The following PAPPA2 variants were observed in gnomAD, a reference collection of about 807,000 sequenced individuals.
The protein encoded by PAPPA2 is pappalysin-2.
PAPPA2 carries 86 observed loss-of-function variants against 176.4 expected under a neutral mutation model. The ratio of observed to expected loss-of-function variants is 0.49; its 90% confidence interval spans 0.41 to 0.58. PAPPA2 has a LOEUF of 0.58. PAPPA2 is among the 20% of genes least tolerant of loss of function. The probability of loss-of-function intolerance (pLI) is 0.00; values close to 1 mark genes in which losing one functional copy is unlikely to be tolerated. For missense variants in PAPPA2, 2,073 were observed against 2,256.9 expected (o/e 0.92, Z 1.65); for synonymous variants, 809 against 852.2 (o/e 0.95, Z 0.88).
intron 3 of PAPPA2, among the ~76,000 whole-genome samples, chr1:176,655,613 T>C (rs1386450181): frequency 6.6e-6 from 1 of 151,868 alleles, no homozygotes; most frequent in Non-Finnish European, 1.5e-5. Context: ...TTCTCACTTA[T>C]AAGTCAGATA....
rs771982523 is a variant in PAPPA2 at position 176,690,131 on chromosome 1, T to C, written c.2138-6T>C. ...TCTGAAAGGCTTTTCAAAACTTTCA[T>C]TGCAGGTGGCATTGTCCTCAGCCCA... On this transcript the variant is annotated splice_region_variant and splice_polypyrimidine_tract_variant and intron_variant, in intron 4 of 22. Transcript: ENST00000367662. 9 of 1,590,548 alleles carry C rather than the reference T, an allele frequency of 5.7e-6. No individual in the cohort carries two copies. The highest frequency in any genetic ancestry group is 7.7e-6 in the Non-Finnish European group (9 of 1,162,838).
chr1:176,471,998 G>T (rs771612498), intron 1 of PAPPA2, among the ~76,000 whole-genome samples: 1 of 152,128 alleles, frequency 6.6e-6, no homozygotes, highest in Non-Finnish European at 1.5e-5. Context: ...GTAACGTCTG[G>T]TTGTCTCTCT....
intron 1 of PAPPA2, among the ~76,000 whole-genome samples, chr1:176,507,092 G>T (rs1648315936): frequency 6.6e-6 from 1 of 151,572 alleles, no homozygotes; most frequent in Non-Finnish European, 1.5e-5. Flanking sequence ...AAATCAACAA[G>T]CAAAAATAAA....
chr1:176,837,910 G>A (rs1025479668), intron 21 of PAPPA2, among the ~76,000 whole-genome samples: 10 of 152,200 alleles, frequency 6.6e-5, no homozygotes, highest in African/African-American at 2.4e-4. Flanking sequence ...GTTGCCATAG[G>A]AGACTCTGTT....
intron 2 of PAPPA2, among the ~76,000 whole-genome samples, chr1:176,562,990 T>C (rs1651759350): frequency 6.6e-6 from 1 of 152,200 alleles, no homozygotes; most frequent in African/African-American, 2.4e-5. Flanking sequence ...TTTCCTAGGG[T>C]GCATATTGCT....
rs1490925419 is a variant in PAPPA2 at position 176,765,739 on chromosome 1, T to C, written c.4225T>C (p.Cys1409Arg). Residue 1409 changes from cysteine to arginine, a missense_variant, in exon 15 of 23, where the codon TGT becomes CGT. Physicochemically the swap from Cys to Arg is radical, Grantham distance 180. Coordinates refer to ENST00000367662, the MANE Select transcript of PAPPA2 (RefSeq NM_020318.3). Reference protein sequence around the residue: ...LLLDHADVVNCTSIGPGLMKC... With the variant: ...LLLDHADVVNRTSIGPGLMKC... Reference sequence around the variant, plus strand: ...GCTTGATCATGCTGATGTGGTGAACTGTACCTCTATAGGCCCAGGTCTCAT... The same window carrying C: ...GCTTGATCATGCTGATGTGGTGAACCGTACCTCTATAGGCCCAGGTCTCAT... 10 of 1,614,008 alleles carry C rather than the reference T, an allele frequency of 6.2e-6. No individual in the cohort carries two copies. The highest frequency in any genetic ancestry group is 2.2e-5 in the East Asian group (1 of 44,848).
chr1:176,757,283 C>T (rs1180487651), intron 14 of PAPPA2, among the ~76,000 whole-genome samples: 3 of 152,238 alleles, frequency 2.0e-5, no homozygotes, highest in Non-Finnish European at 1.5e-5. Flanking sequence ...AATCATCACA[C>T]TGTCTTCCAC....
In PAPPA2 at chr1:176,557,050, G is replaced by T. The variant is rs773677088; in HGVS notation, c.728G>T (p.Gly243Val). The T allele has an allele frequency of 6.2e-7, 1 of 1,613,674 alleles. No homozygotes were observed. Among genetic ancestry groups the T allele is most frequent in the Non-Finnish European group, 8.5e-7 (1 of 1,179,854 alleles). Residue 243 changes from glycine (G) to valine (V), a missense_variant, in exon 2 of 23, where the codon GGT becomes GTT. This residue lies in a region of PAPPA2 where 1,196 missense variants were observed against 1,330.4 expected (regional missense o/e 0.90). Coordinates refer to ENST00000367662, the MANE Select transcript of PAPPA2 (RefSeq NM_020318.3). ...KSPPEESNQN[G>V]GEGSYREAET... ...CCACCGGAGGAAAGCAACCAAAATGGTGGAGAGGGCTCCTACCGAGAAGCA... is the reference window on the plus strand; with the variant it reads ...CCACCGGAGGAAAGCAACCAAAATGTTGGAGAGGGCTCCTACCGAGAAGCA...
intron 3 of PAPPA2, among the ~76,000 whole-genome samples, chr1:176,603,214 G>T (rs1452260597): frequency 6.6e-6 from 1 of 152,200 alleles, no homozygotes; most frequent in African/African-American, 2.4e-5. Flanking sequence ...CTGGGGCCTT[G>T]GCCAAATGCC....
chr1:176,470,331 T>C (rs1193189636), intron 1 of PAPPA2, among the ~76,000 whole-genome samples: 1 of 152,182 alleles, frequency 6.6e-6, no homozygotes, highest in East Asian at 1.9e-4. Flanking sequence ...AGAGGCCACA[T>C]TGACAAAAAG....
At chr1:176,617,647 C>CATATATATATATATATAT (rs150600721) in intron 3 of PAPPA2, among the ~76,000 whole-genome samples, 16 of 147,826 alleles carry the variant, frequency 1.1e-4, no homozygotes, top group African/African-American at 4.0e-4. Flanking sequence ...TTCCATGGCG[C>CATATATATATATATATAT]ATATATATAT....
intron 12 of PAPPA2, among the ~76,000 whole-genome samples, chr1:176,728,031 A>T (rs1321397947): frequency 1.3e-5 from 2 of 152,016 alleles, no homozygotes; most frequent in Non-Finnish European, 1.5e-5. Context: ...AGCATTTAAA[A>T]TGCCTATATT....
chr1:176,486,432 TAGACAGGTAC>T (rs1403708284), intron 1 of PAPPA2, among the ~76,000 whole-genome samples: 1 of 152,166 alleles, frequency 6.6e-6, no homozygotes, highest in Admixed American at 6.5e-5. Context: ...TAAGGATGCT[TAGACAGGTAC>T]AGACATCTCT....
chr1:176,626,729 G>A (rs1656043121), intron 3 of PAPPA2, among the ~76,000 whole-genome samples: 2 of 152,272 alleles, frequency 1.3e-5, no homozygotes, highest in South Asian at 4.1e-4. Flanking sequence ...AGTGTAATTA[G>A]CATGAGGATT....
intron 2 of PAPPA2, among the ~76,000 whole-genome samples, chr1:176,574,832 T>G (rs1249933428): frequency 6.6e-6 from 1 of 152,206 alleles, no homozygotes; most frequent in Admixed American, 6.5e-5. Context: ...TTTTCTATGT[T>G]TAGGTATGTT....
intron 2 of PAPPA2, 57 bp from the exon 3 acceptor site, chr1:176,594,467 C>A (rs945295826): frequency 1.1e-5 from 16 of 1,421,688 alleles, no homozygotes; most frequent in Non-Finnish European, 1.4e-5. Flanking sequence ...CTCCCTTTCT[C>A]CATTCCCCTT....
At chr1:176,532,450 C>T (rs915770645) in intron 1 of PAPPA2, among the ~76,000 whole-genome samples, 4 of 152,192 alleles carry the variant, frequency 2.6e-5, no homozygotes, top group African/African-American at 7.2e-5. Flanking sequence ...GAGGAAACAA[C>T]CAAAGCAGAT....
intron 2 of PAPPA2, among the ~76,000 whole-genome samples, chr1:176,566,663 A>G (rs1354401634): frequency 6.6e-6 from 1 of 152,136 alleles, no homozygotes; most frequent in Non-Finnish European, 1.5e-5. Context: ...GAAAGTAGGA[A>G]TCACTTTTGG....
chr1:176,748,458 G>A (rs1013627879), intron 14 of PAPPA2, among the ~76,000 whole-genome samples: 6 of 152,092 alleles, frequency 3.9e-5, no homozygotes, highest in African/African-American at 1.4e-4. Flanking sequence ...TCTAGAAAAA[G>A]CACATCTATT....
Sources: gnomAD v4.1 joint callset for allele counts (sites outside exome capture counted in the v4.1 genomes callset) on GRCh38, gnomAD v4.1.1 for gene constraint, gnomAD v4.1.1 regional missense constraint, MANE v1.5 for transcripts, NCBI Gene and HGNC (gene_info 2026-07-23, HGNC 2026-07-21) for gene names.